ARID1B: variants seen among roughly 807,000 people sequenced by gnomAD.
The protein encoded by ARID1B is AT-rich interactive domain-containing protein 1B.
ARID1B carries 30 observed loss-of-function variants against 212.3 expected under a neutral mutation model. That is an observed-to-expected ratio of 0.14 (90% CI 0.11 to 0.19). ARID1B has a LOEUF of 0.19. Ranked by LOEUF, ARID1B falls within the 10% of genes least tolerant of loss-of-function variation. The probability of loss-of-function intolerance (pLI) is 1.00; values close to 1 mark genes in which losing one functional copy is unlikely to be tolerated. For synonymous variants in ARID1B, 1,402 were observed against 1,301.7 expected, an observed-to-expected ratio of 1.08 and a Z score of -1.66; for missense variants, 2,891 against 3,204.0, an observed-to-expected ratio of 0.90 and a Z score of 2.36.
chr6:157,140,469 C>T (rs1430997386), intron 7 of ARID1B: 5 of 388,974 alleles, frequency 1.3e-5, no homozygotes, highest in East Asian at 7.3e-5. Context: ...GACCTTGTCT[C>T]GATAAAAATA....
intron 5 of ARID1B, among the ~76,000 whole-genome samples, chr6:157,102,321 G>A (rs2128497309): frequency 6.6e-6 from 1 of 152,310 alleles, no homozygotes; most frequent in Middle Eastern, 3.4e-3. Flanking sequence ...TGATCCGAAA[G>A]AGTTGGAAAA....
intron 2 of ARID1B, among the ~76,000 whole-genome samples, chr6:156,866,629 T>A (rs187254551): frequency 6.6e-6 from 1 of 152,196 alleles, no homozygotes; most frequent in Non-Finnish European, 1.5e-5. Flanking sequence ...CAGAGTCTCT[T>A]TAGGTTAAAA....
At chr6:156,975,503 C>G (rs1345752917) in intron 4 of ARID1B, among the ~76,000 whole-genome samples, 1 of 151,862 alleles carries the variant, frequency 6.6e-6, no homozygotes, top group East Asian at 1.9e-4. Flanking sequence ...TGAAGTCCAA[C>G]TTTACCATTT....
chr6:157,133,279 G>T, intron 7 of ARID1B, 72 bp downstream of exon 7: 1 of 1,430,534 alleles, frequency 7.0e-7, no homozygotes, highest in Non-Finnish European at 9.3e-7. Flanking sequence ...AGTCCTTCAA[G>T]ATTTTAATAT....
rs535062126 is a variant in ARID1B, at chr6:156,817,315, G to T, written c.1792-11912G>T. On this transcript the variant is annotated intron_variant, in intron 1 of 19. Coordinates refer to ENST00000636930, the MANE Select transcript of ARID1B (RefSeq NM_001374828.1). ...TCTGAGATTGCATCACTGCACTCCA[G>T]CCTGGGCAACAGAGTGAGAGAATCC... Among the ~76,000 whole-genome samples the T allele has an allele frequency of 2.0e-5, 3 of 152,208 alleles. No individual in the cohort carries two copies. In the South Asian group the frequency reaches 6.2e-4, roughly 32 times the overall value.
At chr6:156,826,258 TC>T (rs1331380153) in intron 1 of ARID1B, among the ~76,000 whole-genome samples, 1 of 152,230 alleles carries the variant, frequency 6.6e-6, no homozygotes, top group Non-Finnish European at 1.5e-5. Context: ...CCTGGCACAG[TC>T]CTGTGGATCC....
chr6:156,783,112 C>T (rs1779394557), intron 1 of ARID1B, among the ~76,000 whole-genome samples: 2 of 151,778 alleles, frequency 1.3e-5, no homozygotes, highest in African/African-American at 4.8e-5. Context: ...GAACCTTAAC[C>T]CCTCTTTGCT....
intron 8 of ARID1B, 146 bp downstream of exon 8, chr6:157,149,097 T>C: frequency 2.5e-6 from 2 of 804,874 alleles, no homozygotes; most frequent in Non-Finnish European, 3.8e-6. Flanking sequence ...GTGTTAAATA[T>C]ATTCTGTAGC....
chr6:157,185,493 C>T (rs1033846327), intron 13 of ARID1B: 1 of 152,224 alleles, frequency 6.6e-6, no homozygotes, highest in Admixed American at 6.5e-5. Flanking sequence ...TTCATTTTCA[C>T]ATCAGCCCTG....
rs1778964096 is a variant in ARID1B, at chr6:156,779,054, C to A, written c.1374C>A (p.Gly458=). ...TGCTGAGCTCCCCCCGGCAGCAGGG[C>A]GGCGGCATGATGATGGGCCCCGGGG... ...YGVLSSPRQQ[G]GGMMMGPGGG... is the part of the protein sequence containing the mutation. The change falls in exon 1 of 20, where the codon GGC becomes GGA. Residue 458 remains glycine (G), a synonymous_variant. Transcript: ENST00000636930. The A allele has an allele frequency of 1.6e-6, 2 of 1,223,966 alleles. No individual in the cohort carries two copies. Among genetic ancestry groups the A allele is most frequent in the Non-Finnish European group, 2.0e-6 (2 of 986,184 alleles). 75.8% of individuals were successfully genotyped at this position (1,223,966 alleles called of 1,614,324 possible).
At chr6:156,945,965 C>T (rs548999790) in intron 4 of ARID1B, among the ~76,000 whole-genome samples, 3 of 152,092 alleles carry the variant, frequency 2.0e-5, no homozygotes, top group Admixed American at 6.5e-5. Context: ...GCAGTGATCA[C>T]GTCACTGTAC....
At chr6:157,018,957 C>T (rs1422012647) in intron 4 of ARID1B, among the ~76,000 whole-genome samples, 3 of 151,972 alleles carry the variant, frequency 2.0e-5, no homozygotes, top group Non-Finnish European at 4.4e-5. Flanking sequence ...GTGAAGGGAT[C>T]TGTATGAATA....
intron 12 of ARID1B, among the ~76,000 whole-genome samples, chr6:157,183,426 C>T (rs761841463): frequency 3.3e-5 from 5 of 152,194 alleles, no homozygotes; most frequent in South Asian, 4.1e-4. Flanking sequence ...TGCCACACAA[C>T]GCAGGAGACA....
At chr6:157,104,334 T>C (rs1786309786) in intron 5 of ARID1B, among the ~76,000 whole-genome samples, 1 of 152,216 alleles carries the variant, frequency 6.6e-6, no homozygotes, top group Non-Finnish European at 1.5e-5. Context: ...TCCACTAAGA[T>C]CACAAATGAG....
chr6:156,820,977 G>C (rs1436590649), intron 1 of ARID1B, among the ~76,000 whole-genome samples: 4 of 152,156 alleles, frequency 2.6e-5, no homozygotes, highest in African/African-American at 9.7e-5. Context: ...TGAGTCCAAG[G>C]CTCTGTCTCC....
At chr6:156,946,444 G>T (rs1793155130) in intron 4 of ARID1B, among the ~76,000 whole-genome samples, 1 of 152,130 alleles carries the variant, frequency 6.6e-6, no homozygotes, top group African/African-American at 2.4e-5. Context: ...AGAGGTGTGT[G>T]AATTTTAAAG....
intron 4 of ARID1B, among the ~76,000 whole-genome samples, chr6:156,960,611 G>C (rs1397728834): frequency 6.6e-6 from 1 of 152,108 alleles, no homozygotes; most frequent in East Asian, 1.9e-4. Flanking sequence ...GCAGTTATTT[G>C]CTAGAGTCTT....
In ARID1B at chr6:157,122,313, C is replaced by A. The variant is rs142796543; in HGVS notation, c.2582-10715C>A. ...ATGGATTATTGGAATAGGAATTTTT[C>A]ACTGATGCTAATATTACTATTCACA... On this transcript the variant is annotated intron_variant, in intron 6 of 19. Coordinates refer to ENST00000636930, the MANE Select transcript of ARID1B (RefSeq NM_001374828.1). Among the ~76,000 whole-genome samples, 788 of 152,294 alleles carry A rather than the reference C, an allele frequency of 5.2e-3. 10 individuals are homozygous for A. Among genetic ancestry groups the A allele is most frequent in the African/African-American group, 0.018 (738 of 41,546 alleles).
intron 4 of ARID1B, among the ~76,000 whole-genome samples, chr6:156,953,590 G>A (rs1424220629): frequency 6.6e-6 from 1 of 152,154 alleles, no homozygotes; most frequent in Non-Finnish European, 1.5e-5. Flanking sequence ...TTTGACTAAT[G>A]TAAGTCTTCC....
Sources: allele counts gnomAD v4.1 joint callset (sites outside exome capture counted in the v4.1 genomes callset), GRCh38; gene constraint gnomAD v4.1.1; transcripts MANE v1.5; gene names NCBI Gene and HGNC (gene_info 2026-07-23, HGNC 2026-07-21).